WWC2: variants seen among roughly 807,000 people sequenced by gnomAD.
WWC2 encodes the protein WW and C2 domain containing 2, also known as protein WWC2.
WWC2 carries 101 observed loss-of-function variants against 138.5 expected under a neutral mutation model. The observed-to-expected ratio is 0.73, with a 90% CI of 0.62 to 0.86. The LOEUF (loss-of-function observed/expected upper bound fraction) is 0.86, where lower values mean the gene tolerates loss of function less well. Ranked by LOEUF, WWC2 falls within the 40% of genes least tolerant of loss-of-function variation. The pLI, the probability that WWC2 is intolerant of heterozygous loss-of-function variation, is 0.00. For missense variants in WWC2, 1,420 were observed against 1,419.4 expected (o/e 1.00, Z -0.01); for synonymous variants, 558 against 538.4 (o/e 1.04, Z -0.50).
At chr4:183,111,465 A>G (rs940352150) in intron 1 of WWC2, among the ~76,000 whole-genome samples, 2 of 152,188 alleles carry the variant, frequency 1.3e-5, no homozygotes, top group African/African-American at 4.8e-5. Context: ...TATGGTTTTT[A>G]ATAGAGATAC....
chr4:183,289,782 A>T, intron 21 of WWC2, 147 bp downstream of exon 21: 7 of 1,166,708 alleles, frequency 6.0e-6, no homozygotes, highest in Non-Finnish European at 8.0e-6. Flanking sequence ...TCCCACTGTT[A>T]TAGGCCCTTT....
chr4:183,256,806 TTC>T (rs755111658), intron 9 of WWC2, among the ~76,000 whole-genome samples: 4 of 150,958 alleles, frequency 2.6e-5, no homozygotes, highest in Non-Finnish European at 2.9e-5. Flanking sequence ...TCTGGCAAGA[TTC>T]CGAGTCATTG....
At chr4:183,223,650 T>G (rs1167149314) in intron 4 of WWC2, among the ~76,000 whole-genome samples, 2 of 152,214 alleles carry the variant, frequency 1.3e-5, no homozygotes, top group African/African-American at 4.8e-5. Context: ...TGAATCAGGG[T>G]GTAAATATGG....
chr4:183,120,500 A>G (rs1045247564), intron 1 of WWC2, among the ~76,000 whole-genome samples: 30 of 152,296 alleles, frequency 2.0e-4, no homozygotes, highest in African/African-American at 7.0e-4. Flanking sequence ...CTTGGAGATT[A>G]TGGAATTACT....
chr4:183,223,454 T>C (rs981630469), intron 4 of WWC2, among the ~76,000 whole-genome samples: 2 of 152,252 alleles, frequency 1.3e-5, no homozygotes, highest in Admixed American at 6.5e-5. Flanking sequence ...CCCTCTGAAT[T>C]ATTTTCATGA....
chr4:183,153,211 G>A lies in WWC2; in HGVS notation c.132-40388G>A, dbSNP rs1409155798. Among the ~76,000 whole-genome samples the A allele has an allele frequency of 2.6e-5, 4 of 152,258 alleles. No individual in the cohort carries two copies. The East Asian group carries it at 7.7e-4, about 29-fold the overall frequency. The stretch of plus-strand genomic sequence containing the variant: ...TGAGCCACTGCACATGGTCTTATAT[G>A]TTTTTATGTTTGGGACTTTTAGGCT... On this transcript the variant is annotated intron_variant, in intron 1 of 22. Transcript: ENST00000403733.
At chr4:183,306,894 A>AAAAAAAAAAAAAAAAAAT in intron 21 of WWC2, among the ~76,000 whole-genome samples, 1 of 151,802 alleles carries the variant, frequency 6.6e-6, no homozygotes, top group Non-Finnish European at 1.5e-5. Context: ...AAAAAAAAAA[A>AAAAAAAAAAAAAAAAAAT]AAACTACAAG....
At chr4:183,226,999 G>C (rs1736093776) in intron 4 of WWC2, among the ~76,000 whole-genome samples, 1 of 151,900 alleles carries the variant, frequency 6.6e-6, no homozygotes, top group Non-Finnish European at 1.5e-5. Context: ...TCCCTTTCTT[G>C]GTCTCATGGT....
chr4:183,139,309 A>G (rs1041356909), intron 1 of WWC2, among the ~76,000 whole-genome samples: 3 of 152,190 alleles, frequency 2.0e-5, no homozygotes, highest in African/African-American at 7.2e-5. Context: ...CTACCTCTGT[A>G]TGCTCAGAAA....
At chr4:183,240,662 C>G (rs941964424) in intron 5 of WWC2, 1 of 156,574 alleles carries the variant, frequency 6.4e-6, no homozygotes, top group African/African-American at 2.4e-5. Context: ...GCCCTGGGCC[C>G]TTGGGTGGAG....
chr4:183,130,948 G>T lies in WWC2; in HGVS notation c.131+31326G>T, dbSNP rs527771787. ...AGACTAGTGTTTGATCAAATATCCG[G>T]GTACTGTGTCCTAGCCAGTTTGACA... On this transcript the variant is annotated intron_variant, in intron 1 of 22. Transcript: ENST00000403733. Among the ~76,000 whole-genome samples the T allele has an allele frequency of 5.9e-5, 9 of 152,244 alleles. No individual in the cohort carries two copies. In the South Asian group the frequency reaches 1.9e-3, roughly 32 times the overall value.
intron 1 of WWC2, among the ~76,000 whole-genome samples, chr4:183,104,542 C>T (rs1743290439): frequency 6.6e-6 from 1 of 152,174 alleles, no homozygotes; most frequent in Admixed American, 6.5e-5. Context: ...GTCTTAATCA[C>T]AACTGCCATT....
At chr4:183,138,051 G>A (rs1297100229) in intron 1 of WWC2, among the ~76,000 whole-genome samples, 4 of 152,110 alleles carry the variant, frequency 2.6e-5, no homozygotes, top group Admixed American at 6.5e-5. Context: ...TTTTCTAGGT[G>A]CTGAGGGGCT....
chr4:183,193,025 T>C (rs1222623076), intron 1 of WWC2, among the ~76,000 whole-genome samples: 1 of 152,226 alleles, frequency 6.6e-6, no homozygotes, highest in Non-Finnish European at 1.5e-5. Flanking sequence ...CACATTGATA[T>C]ATGAATGAAT....
chr4:183,303,237 C>T (rs1413346380), intron 21 of WWC2, among the ~76,000 whole-genome samples: 3 of 152,110 alleles, frequency 2.0e-5, no homozygotes, highest in Non-Finnish European at 2.9e-5. Flanking sequence ...TGTAAGACAG[C>T]GTTGCAAGTA....
At chr4:183,202,686 T>C (rs899604256) in intron 2 of WWC2, among the ~76,000 whole-genome samples, 1 of 152,152 alleles carries the variant, frequency 6.6e-6, no homozygotes, top group Admixed American at 6.5e-5. Context: ...GGGGAAGTGT[T>C]GAGCATATGT....
chr4:183,309,578 A>T (rs138732160), intron 21 of WWC2, among the ~76,000 whole-genome samples: 21 of 152,352 alleles, frequency 1.4e-4, no homozygotes, highest in African/African-American at 4.8e-4. Context: ...GACAACACCA[A>T]ATCCTGACAA....
chr4:183,278,058 T>C (rs759245472), intron 16 of WWC2, among the ~76,000 whole-genome samples: 22 of 152,130 alleles, frequency 1.4e-4, no homozygotes, highest in Non-Finnish European at 3.1e-4. Context: ...TGCCCATGCC[T>C]ATGTCCTGAA....
intron 1 of WWC2, among the ~76,000 whole-genome samples, chr4:183,108,547 C>G (rs1732120502): frequency 6.6e-6 from 1 of 151,896 alleles, no homozygotes; most frequent in East Asian, 1.9e-4. Flanking sequence ...TGGAGGAGTC[C>G]TGGGCTGGAA....
Sources: gnomAD v4.1 joint callset for allele counts (sites outside exome capture counted in the v4.1 genomes callset) on GRCh38, gnomAD v4.1.1 for gene constraint, MANE v1.5 for transcripts, NCBI Gene and HGNC (gene_info 2026-07-23, HGNC 2026-07-21) for gene names.